ABCA13: variants seen among roughly 807,000 people sequenced by gnomAD.
ABCA13 encodes the protein ATP-binding cassette sub-family A member 13.
A neutral mutation model predicts 478.7 loss-of-function variants in ABCA13; 476 were observed. The ratio of observed to expected loss-of-function variants is 0.99; its 90% confidence interval spans 0.92 to 1.07. The LOEUF (loss-of-function observed/expected upper bound fraction) is 1.07, where lower values mean the gene tolerates loss of function less well. Ranked by LOEUF, ABCA13 falls within the 50% of genes least tolerant of loss-of-function variation. The pLI is 0.00. For synonymous variants in ABCA13, 2,252 were observed against 2,158.9 expected, an observed-to-expected ratio of 1.04 and a Z score of -1.20; for missense variants, 6,060 against 5,910.6, an observed-to-expected ratio of 1.03 and a Z score of -0.83.
At chr7:48,461,395 C>CCT (rs1304779845) in intron 43 of ABCA13, among the ~76,000 whole-genome samples, 1 of 152,194 alleles carries the variant, frequency 6.6e-6, no homozygotes, top group Admixed American at 6.5e-5. Flanking sequence ...GAGCATTCTT[C>CCT]CTCTCAGTCA....
intron 20 of ABCA13, among the ~76,000 whole-genome samples, chr7:48,289,295 A>T (rs1798180681): frequency 6.6e-6 from 1 of 151,470 alleles, no homozygotes; most frequent in Non-Finnish European, 1.5e-5. Context: ...TCTTATTTCC[A>T]GGTTGTGCAG....
chr7:48,601,897 T>G (rs1790929640), intron 58 of ABCA13, among the ~76,000 whole-genome samples: 1 of 152,240 alleles, frequency 6.6e-6, no homozygotes, highest in African/African-American at 2.4e-5. Flanking sequence ...GTTTTCTGAC[T>G]TTTTAATGAT....
intron 48 of ABCA13, among the ~76,000 whole-genome samples, chr7:48,489,552 G>T (rs1199364229): frequency 6.6e-6 from 1 of 152,146 alleles, no homozygotes; most frequent in Non-Finnish European, 1.5e-5. Context: ...TCTTGAACCT[G>T]TAACCTCATC....
intron 55 of ABCA13, among the ~76,000 whole-genome samples, chr7:48,573,966 A>G (rs569446197): frequency 6.6e-6 from 1 of 151,972 alleles, no homozygotes; most frequent in Non-Finnish European, 1.5e-5. Context: ...GTCTGTGTCC[A>G]CATTTTCCTT....
At chr7:48,220,199 T>A (rs1371080522) in intron 4 of ABCA13, among the ~76,000 whole-genome samples, 3 of 152,102 alleles carry the variant, frequency 2.0e-5, no homozygotes, top group Admixed American at 1.3e-4. Context: ...ATGGAGAAGT[T>A]TGCACCTCAG....
chr7:48,339,563 A>G (rs1806794122), intron 29 of ABCA13, among the ~76,000 whole-genome samples: 1 of 152,226 alleles, frequency 6.6e-6, no homozygotes, highest in African/African-American at 2.4e-5. Flanking sequence ...ACATTTGTTC[A>G]ACATGTTGCT....
chr7:48,636,591 C>T (rs1794656013), intron 59 of ABCA13, among the ~76,000 whole-genome samples: 1 of 152,196 alleles, frequency 6.6e-6, no homozygotes, highest in African/African-American at 2.4e-5. Context: ...CCTGCCTGGG[C>T]ATGTGCTCCA....
chr7:48,415,394 C>G (rs1819841347), intron 41 of ABCA13, among the ~76,000 whole-genome samples: 1 of 152,162 alleles, frequency 6.6e-6, no homozygotes, highest in African/African-American at 2.4e-5. Flanking sequence ...TCTAATCATT[C>G]ACCGGGTTAA....
chr7:48,408,619 ATTATTG>A (rs1413928103), intron 39 of ABCA13, among the ~76,000 whole-genome samples: 1 of 151,966 alleles, frequency 6.6e-6, no homozygotes, highest in Non-Finnish European at 1.5e-5. Context: ...TGTCTCCTCT[ATTATTG>A]TTATTTTTTC....
At chr7:48,192,884 C>G in intron 1 of ABCA13, 75 bp from the exon 2 acceptor site, 3 of 1,164,344 alleles carry the variant, frequency 2.6e-6, no homozygotes, top group Non-Finnish European at 3.6e-6. Flanking sequence ...TTAAAATGAC[C>G]TCCTTCAAGA....
chr7:48,442,823 G>A (rs1823805717), intron 42 of ABCA13, among the ~76,000 whole-genome samples: 1 of 152,162 alleles, frequency 6.6e-6, no homozygotes, highest in Non-Finnish European at 1.5e-5. Flanking sequence ...GCCTTGGTGT[G>A]ATGGAAAAAG....
intron 39 of ABCA13, 63 bp from the exon 40 acceptor site, chr7:48,410,457 G>C (rs1232961434): frequency 1.3e-6 from 2 of 1,593,922 alleles, no homozygotes; most frequent in African/African-American, 2.7e-5. Flanking sequence ...CTGAGGAAAG[G>C]AGGGAAGGTC....
At chr7:48,258,319 T>A (rs1226949516) in intron 15 of ABCA13, among the ~76,000 whole-genome samples, 3 of 152,218 alleles carry the variant, frequency 2.0e-5, no homozygotes, top group Non-Finnish European at 4.4e-5. Flanking sequence ...TGGCAATTTG[T>A]ATGTTTCCAG....
intron 5 of ABCA13, among the ~76,000 whole-genome samples, chr7:48,224,681 C>A (rs1392704916): frequency 3.3e-5 from 5 of 152,160 alleles, no homozygotes; most frequent in Non-Finnish European, 7.4e-5. Context: ...TACCTTGAAA[C>A]AAGAGGAGCT....
At chr7:48,600,923 T>C (rs1790829463) in intron 58 of ABCA13, among the ~76,000 whole-genome samples, 1 of 152,240 alleles carries the variant, frequency 6.6e-6, no homozygotes, top group South Asian at 2.1e-4. Flanking sequence ...TTTCTGGTCC[T>C]ATCTATCTTT....
Position 48,339,199 on chromosome 7 carries a change from GA to G in ABCA13, c.10204+747del. ...AGGGTTTCGGATCTGCCTTACATAT[GA>G]AAGTTAGAGGAAGGCAAGACATTTT... On this transcript the variant is annotated intron_variant, in intron 29 of 61. Transcript: ENST00000435803. 1.3e-5 allele frequency among the ~76,000 whole-genome samples: 2 copies of G among 152,248 alleles called. 1 individual carries two copies. Among genetic ancestry groups the G allele is most frequent in the South Asian group, 4.2e-4 (2 of 4,812 alleles).
At chr7:48,462,887 G>A (rs1232935354) in intron 43 of ABCA13, among the ~76,000 whole-genome samples, 1 of 152,022 alleles carries the variant, frequency 6.6e-6, no homozygotes, top group Non-Finnish European at 1.5e-5. Flanking sequence ...AGAACTCCTA[G>A]CACATCTCAT....
intron 30 of ABCA13, 132 bp downstream of exon 30, chr7:48,350,951 A>G (rs1315345556): frequency 1.0e-6 from 1 of 980,468 alleles, no homozygotes; most frequent in African/African-American, 1.6e-5. Context: ...AAAACATAAA[A>G]TAAAGCAGAA....
chr7:48,249,459 G>A lies in ABCA13; in HGVS notation c.2005+108G>A, dbSNP rs1792198594. 4 of 1,428,948 alleles carry A rather than the reference G, an allele frequency of 2.8e-6. No individual in the cohort carries two copies. The South Asian group carries it at 3.9e-5, about 14-fold the overall frequency. The allele number at this position is 1,428,948 out of a possible 1,614,324, so 88.5% of individuals were successfully genotyped here. A position where few individuals can be genotyped will look rare whatever the true frequency, so the allele number is the denominator to read the frequency against. On this transcript the variant is annotated intron_variant, in intron 15 of 61. Transcript: ENST00000435803. ...ATTTAACAAAGCGGGGCTTAAAATGGGTGGCTCTCCAAGCACAATTTGGCA... is the reference window on the plus strand; with the variant it reads ...ATTTAACAAAGCGGGGCTTAAAATGAGTGGCTCTCCAAGCACAATTTGGCA...
Sources: allele counts gnomAD v4.1 joint callset (sites outside exome capture counted in the v4.1 genomes callset), GRCh38; gene constraint gnomAD v4.1.1; transcripts MANE v1.5; gene names NCBI Gene and HGNC (gene_info 2026-07-23, HGNC 2026-07-21).